SEMA6D: variants seen among roughly 807,000 people sequenced by gnomAD.
The protein encoded by SEMA6D is semaphorin-6D.
In SEMA6D, 35 loss-of-function variants were observed where a neutral mutation model predicts 106.6. The ratio of observed to expected loss-of-function variants is 0.33; its 90% CI spans 0.25 to 0.44. The LOEUF (loss-of-function observed/expected upper bound fraction) is 0.44. SEMA6D is among the 20% of genes least tolerant of loss of function. The probability of loss-of-function intolerance (pLI) is 1.00; values close to 1 mark genes in which losing one functional copy is unlikely to be tolerated. For synonymous variants in SEMA6D, 499 were observed against 487.7 expected, an observed-to-expected ratio of 1.02 and a Z score of -0.31; for missense variants, 1,185 against 1,345.9, an observed-to-expected ratio of 0.88 and a Z score of 1.87.
intron 3 of SEMA6D, among the ~76,000 whole-genome samples, chr15:47,539,389 C>T (rs978805514): frequency 7.4e-5 from 11 of 149,162 alleles, no homozygotes; most frequent in East Asian, 2.0e-4. Flanking sequence ...GGTCATTTGC[C>T]GTATAGTCCC....
At chr15:47,407,400 C>CAAAAAAAAAAAAAAAAAAAAAAAAAAA (rs1272439298) in intron 1 of SEMA6D, among the ~76,000 whole-genome samples, 3 of 85,222 alleles carry the variant, frequency 3.5e-5, no homozygotes, top group Non-Finnish European at 8.1e-5. Flanking sequence ...AAAACAACAA[C>CAAAAAAAAAAAAAAAAAAAAAAAAAAA]AACAACAACA....
chr15:47,385,834 T>G (rs1055408940), intron 1 of SEMA6D, among the ~76,000 whole-genome samples: 2 of 152,208 alleles, frequency 1.3e-5, no homozygotes, highest in African/African-American at 2.4e-5. Flanking sequence ...AGAAATAGGA[T>G]GAGCTACCTA....
chr15:47,442,450 G>T (rs1289475025), intron 2 of SEMA6D, among the ~76,000 whole-genome samples: 1 of 152,064 alleles, frequency 6.6e-6, no homozygotes, highest in African/African-American at 2.4e-5. Flanking sequence ...TGCATTTGGG[G>T]ATCCTGAGTC....
chr15:47,529,787 C>T (rs766593258), intron 3 of SEMA6D, among the ~76,000 whole-genome samples: 22 of 152,054 alleles, frequency 1.4e-4, no homozygotes, highest in Non-Finnish European at 2.2e-4. Flanking sequence ...GGAAGGCTAT[C>T]ATATTTATTT....
intron 1 of SEMA6D, among the ~76,000 whole-genome samples, chr15:47,208,174 AT>A (rs926830786): frequency 3.3e-5 from 5 of 151,826 alleles, no homozygotes; most frequent in East Asian, 3.9e-4. Context: ...TAGTTTCCAC[AT>A]TTTTTTTAAA....
chr15:47,730,738 C>G, intron 1 of SEMA6D: 1 of 1,602,760 alleles, frequency 6.2e-7, no homozygotes. Context: ...GAGTATAGCT[C>G]TCTGCCGCTG....
At chr15:47,347,590 T>A (rs2038100305) in intron 1 of SEMA6D, among the ~76,000 whole-genome samples, 1 of 41,542 alleles carries the variant, frequency 2.4e-5, no homozygotes, top group African/African-American at 9.9e-4. Flanking sequence ...CTCTGTTTTT[T>A]GTTTTTTGTT....
At chr15:47,588,181 G>T (rs28703303) in intron 3 of SEMA6D, among the ~76,000 whole-genome samples, 63,857 of 151,844 alleles carry the variant, frequency 0.42, 14,948 homozygotes, top group South Asian at 0.53. Context: ...TCCCACAAAG[G>T]ACTCCAGCCA....
chr15:47,391,998 C>T (rs1419333060), intron 1 of SEMA6D, among the ~76,000 whole-genome samples: 1 of 152,078 alleles, frequency 6.6e-6, no homozygotes, highest in African/African-American at 2.4e-5. Context: ...CAACACCCAC[C>T]CCCTTTGCCA....
chr15:47,704,171 A>C (rs2078869226), intron 4 of SEMA6D, among the ~76,000 whole-genome samples: 1 of 151,946 alleles, frequency 6.6e-6, no homozygotes, highest in Non-Finnish European at 1.5e-5. Flanking sequence ...ATTTTTGTAG[A>C]GATAAGGTCT....
chr15:47,225,740 G>C (rs1426122695), intron 1 of SEMA6D, among the ~76,000 whole-genome samples: 1 of 151,824 alleles, frequency 6.6e-6, no homozygotes, highest in Non-Finnish European at 1.5e-5. Context: ...GTGTGGGTCA[G>C]GCTGGTCTCG....
At chr15:47,733,778 T>G (rs944618105) in intron 1 of SEMA6D, among the ~76,000 whole-genome samples, 4 of 152,186 alleles carry the variant, frequency 2.6e-5, no homozygotes, top group Admixed American at 6.5e-5. Flanking sequence ...CTCACTAAGT[T>G]ATAGTAGTTT....
At chr15:47,262,451 G>A (rs1036825602) in intron 1 of SEMA6D, among the ~76,000 whole-genome samples, 1 of 152,062 alleles carries the variant, frequency 6.6e-6, no homozygotes, top group African/African-American at 2.4e-5. Context: ...TCACAGGGAA[G>A]CAGGAGAGAG....
intron 3 of SEMA6D, among the ~76,000 whole-genome samples, chr15:47,496,903 CT>C (rs2043682993): frequency 6.6e-6 from 1 of 151,998 alleles, no homozygotes; most frequent in Non-Finnish European, 1.5e-5. Context: ...AAAATGAACA[CT>C]ACTTTTTGCT....
chr15:47,702,755 G>A (rs1047815826), intron 4 of SEMA6D, among the ~76,000 whole-genome samples: 1 of 152,104 alleles, frequency 6.6e-6, no homozygotes, highest in Non-Finnish European at 1.5e-5. Flanking sequence ...AGTGAAAGAA[G>A]CCAATATAAA....
chr15:47,362,626 T>C (rs1376741542), intron 1 of SEMA6D, among the ~76,000 whole-genome samples: 1 of 152,058 alleles, frequency 6.6e-6, no homozygotes, highest in Non-Finnish European at 1.5e-5. Flanking sequence ...ATCATAGTAA[T>C]CAGTGGGAAG....
chr15:47,388,491 G>C (rs528925610), intron 1 of SEMA6D, among the ~76,000 whole-genome samples: 253 of 152,242 alleles, frequency 1.7e-3, no homozygotes, highest in African/African-American at 5.9e-3. Flanking sequence ...CCCAGGACTT[G>C]AATCCTCCCT....
chr15:47,645,047 C>G (rs978765253), intron 4 of SEMA6D, among the ~76,000 whole-genome samples: 2 of 152,178 alleles, frequency 1.3e-5, no homozygotes, highest in African/African-American at 2.4e-5. Context: ...AACATCCACT[C>G]TGGTGAAGAT....
intron 2 of SEMA6D, among the ~76,000 whole-genome samples, chr15:47,422,157 A>C (rs1373305151): frequency 9.0e-6 from 1 of 111,522 alleles, no homozygotes; most frequent in Non-Finnish European, 1.9e-5. Flanking sequence ...TAACACTCTT[A>C]TTTTTTGCCC....
Sources: gnomAD v4.1 joint callset for allele counts (sites outside exome capture counted in the v4.1 genomes callset) on GRCh38, gnomAD v4.1.1 for gene constraint, MANE v1.5 for transcripts, NCBI Gene and HGNC (gene_info 2026-07-23, HGNC 2026-07-21) for gene names.